The following REV1 variants were observed in gnomAD, a reference collection of about 807,000 sequenced individuals.
REV1 encodes the protein translesion synthesis protein REV1.
A neutral mutation model predicts 137.4 loss-of-function variants in REV1; 42 were observed. The observed-to-expected ratio is 0.31, with a 90% confidence interval of 0.24 to 0.40. The LOEUF is 0.40. Among genes scored for constraint, REV1 ranks in the 10% least tolerant of loss-of-function variants. The pLI, the probability that REV1 is intolerant of heterozygous loss-of-function variation, is 1.00. For missense variants in REV1, 1,282 were observed against 1,490.1 expected (o/e 0.86, Z 2.30); for synonymous variants, 524 against 519.2 (o/e 1.01, Z -0.12).
At chr2:99,402,446 CACTA>C in intron 21 of REV1, 100 bp from the exon 22 acceptor site, 1 of 789,016 alleles carries the variant, frequency 1.3e-6, no homozygotes, top group South Asian at 1.6e-5. Flanking sequence ...ACAACTATGT[CACTA>C]ACAGCTATCA....
At chr2:99,441,808 ACAT>A (rs1223921199) in intron 5 of REV1, among the ~76,000 whole-genome samples, 1 of 152,338 alleles carries the variant, frequency 6.6e-6, no homozygotes, top group Admixed American at 6.5e-5. Flanking sequence ...AAACTTACTT[ACAT>A]TTATGAAATT....
At chr2:99,474,659 T>TG (rs1159779055) in intron 1 of REV1, among the ~76,000 whole-genome samples, 1 of 152,118 alleles carries the variant, frequency 6.6e-6, no homozygotes, top group Non-Finnish European at 1.5e-5. Context: ...TCCAGCACTT[T>TG]GGGAGGCTGA....
rs1277884812 is a variant in REV1 at position 99,411,203 on chromosome 2, G to A, written c.2173-336C>T. Among the ~76,000 whole-genome samples the A allele has an allele frequency of 2.0e-5, 3 of 152,010 alleles. 1 individual carries two copies. Among genetic ancestry groups the A allele is most frequent in the Non-Finnish European group, 4.4e-5 (3 of 67,986 alleles). On this transcript the variant is annotated intron_variant, in intron 13 of 22. Transcript: ENST00000258428. ...CTCAGGAGGCTGAGGTAGGAGAATC[G>A]CTTGAACCCAGGAGACGGAGGTTGC... is the stretch of plus-strand genomic sequence containing the variant.
At chr2:99,489,433 G>T (rs1294625996) in intron 1 of REV1, among the ~76,000 whole-genome samples, 1 of 151,794 alleles carries the variant, frequency 6.6e-6, no homozygotes, top group Non-Finnish European at 1.5e-5. Flanking sequence ...CGGCGCAGGA[G>T]GAAGGAGTTT....
intron 13 of REV1, 80 bp downstream of exon 13, chr2:99,412,651 C>T: frequency 1.9e-6 from 2 of 1,075,098 alleles, no homozygotes; most frequent in Non-Finnish European, 2.9e-6. Flanking sequence ...CATTGAGGGT[C>T]TAATGGTTTA....
intron 1 of REV1, among the ~76,000 whole-genome samples, chr2:99,477,660 A>G (rs1348337619): frequency 6.6e-6 from 1 of 152,222 alleles, no homozygotes; most frequent in Admixed American, 6.5e-5. Flanking sequence ...AAATATTTGG[A>G]TATATTAAAC....
At position 99,421,638 on chromosome 2, in the gene REV1, A is replaced by C; in HGVS notation, c.1692T>G (p.Ile564Met). The change falls in exon 11 of 23, where the codon ATT (isoleucine) becomes ATG (methionine). Residue 564 changes from isoleucine (I) to methionine (M), a missense_variant. Physicochemically the swap from Ile to Met is conservative, Grantham distance 10. Transcript: ENST00000258428. ...GCGCTTCATCACAACTGACAGCTTCAATGTTATGAGTGTAGCTATCAACAC... is the reference window on the plus strand; with the variant it reads ...GCGCTTCATCACAACTGACAGCTTCCATGTTATGAGTGTAGCTATCAACAC... ...YETLASYTHNIEAVSCDEALV... is the reference protein window; with the variant it reads ...YETLASYTHNMEAVSCDEALV... 1 of 1,614,022 alleles carries C rather than the reference A, an allele frequency of 6.2e-7. No homozygotes were observed. Among genetic ancestry groups the C allele is most frequent in the East Asian group, 2.2e-5 (1 of 44,868 alleles).
chr2:99,445,256 GT>G (rs1055641938), intron 4 of REV1, among the ~76,000 whole-genome samples: 1 of 152,084 alleles, frequency 6.6e-6, no homozygotes, highest in Non-Finnish European at 1.5e-5. Context: ...AGAAACCAAA[GT>G]TTTGACTCAT....
In REV1 at chr2:99,462,613, T is replaced by G; in HGVS notation, c.64A>C (p.Met22Leu). The G allele has an allele frequency of 6.2e-7, 1 of 1,610,208 alleles. No homozygotes were observed. Residue 22 changes from methionine (M) to leucine (L), a missense_variant, in exon 3 of 23, where the codon ATG becomes CTG. Physicochemically the swap from Met to Leu is conservative, Grantham distance 15. Around this residue, in one of 7 missense-constraint regions of REV1, gnomAD observed 107 missense variants for 164.3 expected, o/e 0.65. Coordinates refer to ENST00000258428, the MANE Select transcript of REV1 (RefSeq NM_016316.4). The part of the protein sequence containing the change: ...NDGWETWGGY[M>L]AAKVQKLEEQ... The stretch of plus-strand genomic sequence containing the variant: ...TCCAATTTCTGGACCTTGGCAGCCA[T>G]ATACCCACCCTAGAATTAAAGAAAA...
At chr2:99,464,084 A>C (rs1056058628) in intron 2 of REV1, among the ~76,000 whole-genome samples, 7 of 152,234 alleles carry the variant, frequency 4.6e-5, no homozygotes, top group Admixed American at 4.6e-4. Context: ...TCTGGATCTA[A>C]TCAATCTATT....
At position 99,487,635 on chromosome 2, in the gene REV1, T is replaced by C. The variant is rs181849723; in HGVS notation, c.-11+2182A>G. Among the ~76,000 whole-genome samples the C allele has an allele frequency of 5.6e-3, 656 of 117,518 alleles. 169 individuals are homozygous for C. Among genetic ancestry groups the C allele is most frequent in the African/African-American group, 0.02 (635 of 31,876 alleles). The allele number at this position is 117,518 out of a possible 152,430, so 77.1% of individuals were successfully genotyped here. A position where few individuals can be genotyped will look rare whatever the true frequency, so the allele number is the denominator to read the frequency against. Reference sequence around the variant, plus strand: ...GTTAACGCTTCAGTTGGTGCTATTATAGTAAAAAAAAACTTTTCATTTTTA... The same window carrying C: ...GTTAACGCTTCAGTTGGTGCTATTACAGTAAAAAAAAACTTTTCATTTTTA... On this transcript the variant is annotated intron_variant, in intron 1 of 22. Coordinates refer to ENST00000258428, the MANE Select transcript of REV1 (RefSeq NM_016316.4).
In REV1 at chr2:99,438,837, G is replaced by C. The variant is rs1303649698; in HGVS notation, c.977C>G (p.Thr326Ser). 1 of 1,614,102 alleles carries C rather than the reference G, an allele frequency of 6.2e-7. No individual in the cohort carries two copies. The highest frequency in any genetic ancestry group is 8.5e-7 in the Non-Finnish European group (1 of 1,180,038). ...TVQGPSSTKS[T>S]SSVSTFSKAA... ...CTTGCTAAACGTAGATACTGAAGAA[G>C]TGCTTTTTGTGCTTGAAGGCCCCTG... The change falls in exon 6 of 23, where the codon ACT (threonine) becomes AGT (serine). Residue 326 changes from threonine to serine, a missense_variant. Around this residue, in one of 7 missense-constraint regions of REV1, gnomAD observed 432 missense variants for 438.0 expected, o/e 0.99. Coordinates refer to ENST00000258428, the MANE Select transcript of REV1 (RefSeq NM_016316.4).
In REV1 at chr2:99,412,899, A is replaced by G; in HGVS notation, c.2004T>C (p.Cys668=). 1 of 1,614,180 alleles carries G rather than the reference A, an allele frequency of 6.2e-7. No homozygotes were observed. The change falls in exon 13 of 23, where the codon TGT becomes TGC. Residue 668 remains cysteine (C), a synonymous_variant. Coordinates refer to ENST00000258428, the MANE Select transcript of REV1 (RefSeq NM_016316.4). ...CCATGGTCATATACTGCAAGTCTCC[A>G]CAAGTTTTAATTCCCAAAGATGCCA... ...SKLASLGIKT[C]GDLQYMTMAK...
rs1015525240 is a variant in REV1 at position 99,454,511 on chromosome 2, T to C, written c.182-5007A>G. On this transcript the variant is annotated intron_variant, in intron 3 of 22. Coordinates refer to ENST00000258428, the MANE Select transcript of REV1 (RefSeq NM_016316.4). ...GTTGCAGTGAGCCAAGATCCCGCCATTGCACTCCAGCCTGGGCAACAAGAG... is the reference window on the plus strand; with the variant it reads ...GTTGCAGTGAGCCAAGATCCCGCCACTGCACTCCAGCCTGGGCAACAAGAG... Among the ~76,000 whole-genome samples, 64 of 130,212 alleles carry C rather than the reference T, an allele frequency of 4.9e-4. 1 individual carries two copies. The highest frequency in any genetic ancestry group is 2.2e-3 in the Admixed American group (24 of 11,030). The allele number at this position is 130,212 out of a possible 152,430, so 85.4% of individuals were successfully genotyped here.
chr2:99,439,001 G>A lies in REV1; in HGVS notation c.813C>T (p.Phe271=), dbSNP rs746082931. The change falls in exon 6 of 23, where the codon TTC becomes TTT. Residue 271 remains phenylalanine, a synonymous_variant. Transcript: ENST00000258428. ...GCAACTGCTGCAGAGTGCAGTCTCTGAAATCAGTGCTGCTCTTCTCAGCCT... is the reference window on the plus strand; with the variant it reads ...GCAACTGCTGCAGAGTGCAGTCTCTAAAATCAGTGCTGCTCTTCTCAGCCT... ...EDKAEKSSTD[F]RDCTLQQLQQ... is the part of the protein sequence containing the mutation. 1.9e-6 allele frequency: 3 copies of A among 1,614,198 alleles called. No individual in the cohort carries two copies. Among genetic ancestry groups the A allele is most frequent in the African/African-American group, 1.3e-5 (1 of 75,052 alleles).
At chr2:99,453,767 C>T (rs915263466) in intron 3 of REV1, among the ~76,000 whole-genome samples, 28 of 151,700 alleles carry the variant, frequency 1.8e-4, no homozygotes, top group African/African-American at 6.5e-4. Flanking sequence ...GTAACACGCG[C>T]CTGTAGTCCC....
chr2:99,420,585 G>T (rs759134665), intron 11 of REV1, among the ~76,000 whole-genome samples: 3 of 152,210 alleles, frequency 2.0e-5, no homozygotes, highest in Non-Finnish European at 4.4e-5. Flanking sequence ...TTCCCCAGTA[G>T]TCCTGTGTAG....
At position 99,404,508 on chromosome 2, in the gene REV1, G is replaced by C. The variant is rs753403751; in HGVS notation, c.2981C>G (p.Pro994Arg). The C allele has an allele frequency of 8.1e-6, 13 of 1,614,120 alleles. No individual in the cohort carries two copies. Among genetic ancestry groups the C allele is most frequent in the Non-Finnish European group, 1.0e-5 (12 of 1,180,020 alleles). ...GTCACTGTTCGATTCTTGAGGTTCT[G>C]GTATTTGCAACAAGACTGTCCCAAC... ...QPVGTVLLQIPEPQESNSDAG... is the reference protein window; with the variant it reads ...QPVGTVLLQIREPQESNSDAG... The change falls in exon 18 of 23, where the codon CCA becomes CGA. Residue 994 changes from proline (P) to arginine (R), a missense_variant. This residue lies in a region of REV1 where 135 missense variants were observed against 123.3 expected (regional missense o/e 1.10). Coordinates refer to ENST00000258428, the MANE Select transcript of REV1 (RefSeq NM_016316.4).
rs1259387591 is a variant in REV1 at position 99,404,490 on chromosome 2, T to C, written c.2999A>G (p.Asn1000Ser). ...TATTAAATTTATTCCTGCGTCACTG[T>C]TCGATTCTTGAGGTTCTGGTATTTG... is the stretch of plus-strand genomic sequence containing the variant. ...LLQIPEPQES[N>S]SDAGINLIAL... Residue 1000 changes from asparagine (N) to serine (S), a missense_variant, in exon 18 of 23, where the codon AAC becomes AGC. Physicochemically the swap from Asn to Ser is conservative, Grantham distance 46. Transcript: ENST00000258428. 1.2e-6 allele frequency: 2 copies of C among 1,614,172 alleles called. No individual in the cohort carries two copies. Among genetic ancestry groups the C allele is most frequent in the South Asian group, 1.1e-5 (1 of 91,070 alleles).
Sources: allele counts gnomAD v4.1 joint callset (sites outside exome capture counted in the v4.1 genomes callset), GRCh38; gene constraint gnomAD v4.1.1; regional missense constraint gnomAD v4.1.1; transcripts MANE v1.5; gene names NCBI Gene and HGNC (gene_info 2026-07-23, HGNC 2026-07-21).